The following VWA3B variants were observed in gnomAD, a reference collection of about 807,000 sequenced individuals.
VWA3B encodes the protein von Willebrand factor A domain containing 3B, also known as von Willebrand factor A domain-containing protein 3B.
VWA3B carries 138 observed loss-of-function variants against 158.3 expected under a neutral mutation model. The observed-to-expected ratio is 0.87, with a 90% CI of 0.76 to 1.00. The LOEUF (loss-of-function observed/expected upper bound fraction) is 1.00, where lower values mean the gene tolerates loss of function less well. Ranked by LOEUF, VWA3B falls within the 50% of genes least tolerant of loss-of-function variation. The pLI, the probability that VWA3B is intolerant of heterozygous loss-of-function variation, is 0.00. For synonymous variants in VWA3B, 596 were observed against 587.3 expected, an observed-to-expected ratio of 1.01 and a Z score of -0.21; for missense variants, 1,555 against 1,565.1, an observed-to-expected ratio of 0.99 and a Z score of 0.11.
chr2:98,213,551 A>T (rs569420927), intron 13 of VWA3B, among the ~76,000 whole-genome samples: 1 of 152,276 alleles, frequency 6.6e-6, no homozygotes, highest in South Asian at 2.1e-4. Context: ...AGTGAGTGAG[A>T]GGTGAGGAGA....
intron 9 of VWA3B, 80 bp from the exon 10 acceptor site, chr2:98,187,895 G>C: frequency 6.9e-7 from 1 of 1,439,872 alleles, no homozygotes; most frequent in Non-Finnish European, 9.2e-7. Context: ...ACTTGAATAC[G>C]ACAGAGCTTA....
intron 1 of VWA3B, among the ~76,000 whole-genome samples, chr2:98,092,816 G>GTGTATATATA (rs1185877811): frequency 3.9e-5 from 2 of 51,474 alleles, no homozygotes; most frequent in African/African-American, 1.1e-4. Flanking sequence ...AGATGTTTTT[G>GTGTATATATA]TATATATATA....
chr2:98,210,028 G>A (rs1431889594), intron 12 of VWA3B, among the ~76,000 whole-genome samples: 1 of 152,174 alleles, frequency 6.6e-6, no homozygotes, highest in African/African-American at 2.4e-5. Context: ...GCTGCCTGCT[G>A]TTGCTGGGTG....
intron 9 of VWA3B, among the ~76,000 whole-genome samples, chr2:98,186,188 A>T (rs1371263109): frequency 1.4e-5 from 2 of 138,400 alleles, no homozygotes; most frequent in African/African-American, 5.4e-5. Flanking sequence ...CAGAATATAC[A>T]CTGCTGGTTA....
chr2:98,099,325 G>C (rs1278440506), intron 2 of VWA3B: 4 of 152,084 alleles, frequency 2.6e-5, no homozygotes, highest in Admixed American at 2.6e-4. Context: ...CCTTCATTTG[G>C]GAAGGACAGC....
intron 5 of VWA3B, 130 bp downstream of exon 5, chr2:98,121,588 A>C: frequency 8.1e-7 from 1 of 1,231,294 alleles, no homozygotes; most frequent in Non-Finnish European, 1.1e-6. Flanking sequence ...CAGAGATCCC[A>C]TTGGGCACTG....
intron 2 of VWA3B, among the ~76,000 whole-genome samples, chr2:98,093,558 G>A (rs1434562873): frequency 6.6e-6 from 1 of 152,034 alleles, no homozygotes; most frequent in East Asian, 1.9e-4. Context: ...TATTTATCAT[G>A]TACAACATGA....
At chr2:98,229,274 G>T (rs72950905) in intron 15 of VWA3B, among the ~76,000 whole-genome samples, 2 of 152,342 alleles carry the variant, frequency 1.3e-5, no homozygotes, top group East Asian at 3.9e-4. Context: ...TAAGAGAATC[G>T]GGGTGCACAG....
intron 6 of VWA3B, among the ~76,000 whole-genome samples, chr2:98,129,558 A>G (rs1190530783): frequency 6.6e-6 from 1 of 152,194 alleles, no homozygotes. Context: ...TTGGGGGAGC[A>G]CAATTCAGTC....
At chr2:98,315,208 C>T (rs1287248642), downstream of VWA3B, among the ~76,000 whole-genome samples, 1 of 152,120 alleles carries the variant, frequency 6.6e-6, no homozygotes, top group Non-Finnish European at 1.5e-5. Context: ...CATTCATTGC[C>T]TCAGATGATT....
chr2:98,191,372 CT>C (rs939324146), intron 10 of VWA3B, among the ~76,000 whole-genome samples: 54 of 152,236 alleles, frequency 3.5e-4, no homozygotes, highest in African/African-American at 1.2e-3. Flanking sequence ...TTTCCTGCTT[CT>C]TTGTATGCCT....
At chr2:98,290,424 C>G in intron 22 of VWA3B, 87 bp from the exon 23 acceptor site, 2 of 1,020,268 alleles carry the variant, frequency 2.0e-6, no homozygotes, top group South Asian at 3.1e-5. Flanking sequence ...CAGAGCCAAA[C>G]CATATCACTA....
chr2:98,227,997 GT>G (rs1195425452), intron 14 of VWA3B, among the ~76,000 whole-genome samples: 3 of 152,140 alleles, frequency 2.0e-5, no homozygotes, highest in African/African-American at 7.2e-5. Flanking sequence ...TTGGCTTTCT[GT>G]TAGAAATGTT....
chr2:98,141,171 T>C (rs908915540), intron 7 of VWA3B, among the ~76,000 whole-genome samples: 3 of 152,172 alleles, frequency 2.0e-5, no homozygotes, highest in African/African-American at 7.2e-5. Context: ...AGGAGACCTT[T>C]TTGCTTCAGA....
At chr2:98,121,193 T>TAG in intron 4 of VWA3B, 106 bp from the exon 5 acceptor site, 1 of 1,374,686 alleles carries the variant, frequency 7.3e-7, no homozygotes. Flanking sequence ...TTTTCAGCTC[T>TAG]AGAGATGGAT....
intron 8 of VWA3B, among the ~76,000 whole-genome samples, chr2:98,172,317 C>T (rs1679659701): frequency 6.6e-6 from 1 of 152,156 alleles, no homozygotes; most frequent in Non-Finnish European, 1.5e-5. Context: ...CTCTGACTGC[C>T]CCAGCCAAAC....
At chr2:98,145,090 A>T (rs553783606) in intron 7 of VWA3B, among the ~76,000 whole-genome samples, 31 of 152,186 alleles carry the variant, frequency 2.0e-4, no homozygotes, top group African/African-American at 7.5e-4. Context: ...TTCTTTTTTG[A>T]TCTTTAAAGT....
chr2:98,124,352 T>C (rs77985135), intron 5 of VWA3B, among the ~76,000 whole-genome samples: 3,530 of 152,254 alleles, frequency 0.023, 67 homozygotes, highest in Middle Eastern at 0.051. Flanking sequence ...CTGTGTGGGA[T>C]TGAACAGGTG....
At position 98,188,016 on chromosome 2, in the gene VWA3B, G is replaced by A. The variant is rs747467523; in HGVS notation, c.1353G>A (p.Arg451=). 1 of 1,613,848 alleles carries A rather than the reference G, an allele frequency of 6.2e-7. No homozygotes were observed. Among genetic ancestry groups the A allele is most frequent in the Admixed American group, 1.7e-5 (1 of 59,978 alleles). ...CAGTCCATGCAAAATATTGCAGCAG[G>A]TTTGTCCATGCTCCCTGGAAGGATG... ...KKTVHAKYCS[R]FVHAPWKDGS... The change falls in exon 10 of 28, where the codon AGG becomes AGA. Residue 451 remains arginine (R), a synonymous_variant. Coordinates refer to ENST00000477737, the MANE Select transcript of VWA3B (RefSeq NM_144992.5).
Sources: allele counts gnomAD v4.1 joint callset (sites outside exome capture counted in the v4.1 genomes callset), GRCh38; gene constraint gnomAD v4.1.1; transcripts MANE v1.5; gene names NCBI Gene and HGNC (gene_info 2026-07-23, HGNC 2026-07-21).